The following BLOC1S3 variants were observed in gnomAD, a reference collection of about 807,000 sequenced individuals.
The protein encoded by BLOC1S3 is biogenesis of lysosomal organelles complex 1 subunit 3, also known as biogenesis of lysosome-related organelles complex 1 subunit 3.
A neutral mutation model predicts 9.1 loss-of-function variants in BLOC1S3; 7 were observed. That is an observed-to-expected ratio of 0.77 (90% CI 0.44 to 1.45). The LOEUF is 1.45. Among genes scored for constraint, BLOC1S3 ranks in the 40% most tolerant of loss-of-function variants. The pLI, the probability that BLOC1S3 is intolerant of heterozygous loss-of-function variation, is 0.01. For missense variants in BLOC1S3, 307 were observed against 315.2 expected, an observed-to-expected ratio of 0.97 and a Z score of 0.20; for synonymous variants, 145 against 158.4, an observed-to-expected ratio of 0.92 and a Z score of 0.64.
intron 2 of BLOC1S3, among the ~76,000 whole-genome samples, chr19:45,197,645 G>T (rs1029827259): frequency 5.9e-5 from 9 of 151,792 alleles, no homozygotes; most frequent in Admixed American, 3.3e-4. Flanking sequence ...GGCCAACATG[G>T]TGAAACCCCG....
intron 3 of BLOC1S3, among the ~76,000 whole-genome samples, chr19:45,204,468 C>T (rs1969713237): frequency 6.6e-6 from 1 of 152,098 alleles, no homozygotes; most frequent in South Asian, 2.1e-4. Context: ...GCTGGGATTA[C>T]AGGTGTGAGC....
intron 3 of BLOC1S3, among the ~76,000 whole-genome samples, chr19:45,207,630 G>A (rs1159951802): frequency 2.7e-5 from 4 of 148,558 alleles, no homozygotes; most frequent in African/African-American, 4.9e-5. Flanking sequence ...TCACCTACTC[G>A]GGAGGCTGAG....
intron 3 of BLOC1S3, among the ~76,000 whole-genome samples, chr19:45,214,407 C>T (rs995994350): frequency 6.6e-6 from 1 of 152,198 alleles, no homozygotes; most frequent in African/African-American, 2.4e-5. Flanking sequence ...CCATCCAGCA[C>T]TGTCACATGG....
intron 2 of BLOC1S3, among the ~76,000 whole-genome samples, chr19:45,195,545 T>TCCTCCCTCCCTCCTTC (rs1397728199): frequency 6.5e-5 from 9 of 139,532 alleles, no homozygotes; most frequent in South Asian, 4.5e-4. Flanking sequence ...CCTACTGTTC[T>TCCTCCCTCCCTCCTTC]CCTCCCTCCC....
At chr19:45,213,055 C>T (rs769717110) in intron 3 of BLOC1S3, 26 of 1,469,514 alleles carry the variant, frequency 1.8e-5, no homozygotes, top group Non-Finnish European at 2.2e-5. Flanking sequence ...CTAAGGCCGG[C>T]GGTTGGGTGA....
At chr19:45,209,579 G>A (rs1327460589) in intron 3 of BLOC1S3, among the ~76,000 whole-genome samples, 3 of 151,764 alleles carry the variant, frequency 2.0e-5, no homozygotes, top group East Asian at 1.9e-4. Context: ...CTGCCACTAC[G>A]CCCAGCTAAT....
At chr19:45,186,303 T>A (rs924970813), downstream of BLOC1S3, among the ~76,000 whole-genome samples, 1 of 152,150 alleles carries the variant, frequency 6.6e-6, no homozygotes, top group Non-Finnish European at 1.5e-5. Context: ...CTGTTGTCAC[T>A]GAGAATAAAA....
chr19:45,191,040 C>T (rs1969603661), intron 2 of BLOC1S3, among the ~76,000 whole-genome samples: 1 of 150,506 alleles, frequency 6.6e-6, no homozygotes, highest in Non-Finnish European at 1.5e-5. Flanking sequence ...CTCCTGACCT[C>T]ACGATCCGCC....
intron 2 of BLOC1S3, among the ~76,000 whole-genome samples, chr19:45,193,428 C>A (rs556678501): frequency 2.0e-5 from 3 of 152,062 alleles, no homozygotes; most frequent in Admixed American, 2.0e-4. Context: ...TCCATTTATT[C>A]TTTGTCTATG....
chr19:45,206,462 T>TTTTTTTTTTTTTTTTTTTTG (rs970984062), intron 3 of BLOC1S3, among the ~76,000 whole-genome samples: 3 of 115,448 alleles, frequency 2.6e-5, no homozygotes, highest in African/African-American at 7.2e-5. Context: ...TTTTTTTTTT[T>TTTTTTTTTTTTTTTTTTTTG]TTTTTTTTTT....
intron 3 of BLOC1S3, among the ~76,000 whole-genome samples, chr19:45,209,312 G>GTGC (rs1043133094): frequency 6.6e-5 from 10 of 152,148 alleles, no homozygotes; most frequent in African/African-American, 2.4e-4. Flanking sequence ...GCCTCCCACA[G>GTGC]TGCTGGGATT....
At chr19:45,192,502 G>A (rs1047786974) in intron 2 of BLOC1S3, among the ~76,000 whole-genome samples, 4 of 152,110 alleles carry the variant, frequency 2.6e-5, no homozygotes, top group Non-Finnish European at 4.4e-5. Context: ...GCCTCTCCCC[G>A]TAGTCACCAC....
rs1025252330 is a variant in BLOC1S3, at chr19:45,181,416, C to T, written c.*1511C>T. The T allele has an allele frequency of 6.0e-6, 1 of 167,204 alleles. No homozygotes were observed. Among genetic ancestry groups the T allele is most frequent in the Non-Finnish European group, 1.5e-5 (1 of 68,160 alleles). The allele number at this position is 167,204 out of a possible 1,614,324, so 10.4% of individuals were successfully genotyped here. Reference sequence around the variant, plus strand: ...AGGCCAAGGTGGCGTCTCCTCTTGACTCTCCAGACCTAAAGTGACACCCTT... The same window carrying T: ...AGGCCAAGGTGGCGTCTCCTCTTGATTCTCCAGACCTAAAGTGACACCCTT... On this transcript the variant is annotated 3_prime_UTR_variant, in exon 2 of 2. Transcript: ENST00000433642.
At chr19:45,215,462 C>T (rs192510481) in intron 3 of BLOC1S3, among the ~76,000 whole-genome samples, 1 of 151,468 alleles carries the variant, frequency 6.6e-6, no homozygotes, top group Non-Finnish European at 1.5e-5. Context: ...CAGAGTGAGA[C>T]CCTGTCTCAA....
At chr19:45,178,959 T>G in intron 1 of BLOC1S3, 128 bp downstream of exon 1, 2 of 252,176 alleles carry the variant, frequency 7.9e-6, no homozygotes, top group Non-Finnish European at 1.5e-5. Flanking sequence ...TGCTTCCGGG[T>G]CTGAGATTGG....
chr19:45,214,298 T>C (rs937492965), intron 3 of BLOC1S3, among the ~76,000 whole-genome samples: 2 of 152,156 alleles, frequency 1.3e-5, no homozygotes, highest in African/African-American at 4.8e-5. Flanking sequence ...CTCCTTGTTT[T>C]TCTGGGGTTC....
intron 2 of BLOC1S3, among the ~76,000 whole-genome samples, chr19:45,196,922 G>A (rs113928991): frequency 0.07 from 10,390 of 148,590 alleles, 601 homozygotes; most frequent in Non-Finnish European, 0.099. Context: ...ATCAATTTTA[G>A]GAAAGTGTCT....
At chr19:45,204,022 T>C (rs1969709581) in intron 3 of BLOC1S3, among the ~76,000 whole-genome samples, 3 of 152,238 alleles carry the variant, frequency 2.0e-5, no homozygotes, top group Middle Eastern at 3.4e-3. Flanking sequence ...TTCTTTTTTT[T>C]TTGAGATGGA....
intron 2 of BLOC1S3, chr19:45,198,764 T>C (rs1969668258): frequency 6.6e-6 from 1 of 152,210 alleles, no homozygotes; most frequent in African/African-American, 2.4e-5. Context: ...AAATCTCGGC[T>C]CACTGCAACC....
Sources: allele counts gnomAD v4.1 joint callset (sites outside exome capture counted in the v4.1 genomes callset), GRCh38; gene constraint gnomAD v4.1.1; transcripts MANE v1.5; gene names NCBI Gene and HGNC (gene_info 2026-07-23, HGNC 2026-07-21).